DPP10: variants seen among roughly 807,000 people sequenced by gnomAD.
DPP10 encodes the protein dipeptidyl peptidase like 10.
Under a neutral mutation model 120.9 loss-of-function variants are expected in DPP10, and 33 were observed. The observed-to-expected ratio is 0.27, with a 90% CI of 0.21 to 0.37. The LOEUF (loss-of-function observed/expected upper bound fraction) is 0.37. Ranked by LOEUF, DPP10 falls within the 10% of genes least tolerant of loss-of-function variation. The probability of loss-of-function intolerance (pLI) is 1.00; values close to 1 mark genes in which losing one functional copy is unlikely to be tolerated. For synonymous variants in DPP10, 337 were observed against 326.1 expected, an observed-to-expected ratio of 1.03 and a Z score of -0.36; for missense variants, 816 against 942.8, an observed-to-expected ratio of 0.87 and a Z score of 1.76.
intron 9 of DPP10, among the ~76,000 whole-genome samples, chr2:115,740,391 A>C (rs1677106508): frequency 6.6e-6 from 1 of 152,160 alleles, no homozygotes; most frequent in Non-Finnish European, 1.5e-5. Context: ...ATGCATAAAG[A>C]ATCTCCAGTC....
At chr2:115,187,822 G>A (rs999854664) in intron 1 of DPP10, among the ~76,000 whole-genome samples, 3 of 152,002 alleles carry the variant, frequency 2.0e-5, no homozygotes, top group African/African-American at 4.8e-5. Context: ...GCAACATGGT[G>A]AAACCCCATC....
chr2:115,380,963 T>A (rs1317885184), intron 3 of DPP10, among the ~76,000 whole-genome samples: 1 of 152,210 alleles, frequency 6.6e-6, no homozygotes. Context: ...TAACCTGACC[T>A]TTCTCTCTGG....
At chr2:115,422,025 A>C (rs1179887058) in intron 3 of DPP10, among the ~76,000 whole-genome samples, 1 of 152,132 alleles carries the variant, frequency 6.6e-6, no homozygotes, top group Non-Finnish European at 1.5e-5. Flanking sequence ...TAGGTACTAC[A>C]ACTCACTAGG....
intron 3 of DPP10, among the ~76,000 whole-genome samples, chr2:115,403,152 T>C (rs975801534): frequency 4.1e-4 from 62 of 151,028 alleles, no homozygotes; most frequent in African/African-American, 1.4e-3. Context: ...TTTAACAAAA[T>C]GAAAAAAAAT....
At chr2:115,803,961 A>T (rs1427526355) in intron 19 of DPP10, among the ~76,000 whole-genome samples, 1 of 152,036 alleles carries the variant, frequency 6.6e-6, no homozygotes, top group Non-Finnish European at 1.5e-5. Context: ...GTATTTCCTG[A>T]ATCTGAATAT....
intron 1 of DPP10, among the ~76,000 whole-genome samples, chr2:114,849,940 C>CTCCTT (rs536762210): frequency 3.6e-4 from 54 of 151,656 alleles, no homozygotes; most frequent in Admixed American, 5.9e-4. Flanking sequence ...TTTCTGTTCT[C>CTCCTT]TCCTTTCCTT....
chr2:114,662,293 A>G (rs764028423), intron 1 of DPP10, among the ~76,000 whole-genome samples: 7 of 152,208 alleles, frequency 4.6e-5, no homozygotes, highest in Non-Finnish European at 8.8e-5. Context: ...ACTCAGAGCG[A>G]AAGTCCAAAA....
At chr2:114,713,666 CA>C (rs1189536871) in intron 1 of DPP10, among the ~76,000 whole-genome samples, 1 of 151,988 alleles carries the variant, frequency 6.6e-6, no homozygotes, top group Admixed American at 6.6e-5. Context: ...CCATCATTTT[CA>C]AAAAGAAAAA....
intron 1 of DPP10, among the ~76,000 whole-genome samples, chr2:114,621,016 C>T (rs190871712): frequency 6.6e-6 from 1 of 151,800 alleles, no homozygotes; most frequent in Non-Finnish European, 1.5e-5. Context: ...TAAGAAAAGC[C>T]CAGCCAAAAT....
intron 1 of DPP10, among the ~76,000 whole-genome samples, chr2:114,840,592 C>T (rs1264651519): frequency 2.0e-5 from 3 of 152,070 alleles, no homozygotes; most frequent in Non-Finnish European, 4.4e-5. Flanking sequence ...AGAAAGCCTC[C>T]CTTAAAATCT....
At chr2:114,580,139 G>A (rs537015710) in intron 1 of DPP10, among the ~76,000 whole-genome samples, 4 of 152,274 alleles carry the variant, frequency 2.6e-5, no homozygotes, top group African/African-American at 9.6e-5. Flanking sequence ...GCAGTGCTAC[G>A]GGTAAGGCCT....
At chr2:115,077,010 T>G (rs189773088) in intron 1 of DPP10, among the ~76,000 whole-genome samples, 102 of 152,336 alleles carry the variant, frequency 6.7e-4, no homozygotes, top group African/African-American at 2.4e-3. Flanking sequence ...TATCTAGTTT[T>G]TCCTTTTTTG....
At chr2:115,185,404 C>T (rs977782226) in intron 1 of DPP10, among the ~76,000 whole-genome samples, 1 of 152,024 alleles carries the variant, frequency 6.6e-6, no homozygotes, top group Admixed American at 6.6e-5. Context: ...GTATTTAGAG[C>T]ATTTCAACAA....
chr2:114,727,276 A>G (rs1676426527), intron 1 of DPP10, among the ~76,000 whole-genome samples: 1 of 152,194 alleles, frequency 6.6e-6, no homozygotes, highest in African/African-American at 2.4e-5. Flanking sequence ...ACAGAAGCTC[A>G]GTGTGCTTCT....
chr2:114,901,811 T>C (rs1252829696), intron 1 of DPP10, among the ~76,000 whole-genome samples: 1 of 152,142 alleles, frequency 6.6e-6, no homozygotes, highest in Non-Finnish European at 1.5e-5. Flanking sequence ...TTTCTTCAAA[T>C]AATAATAATG....
intron 1 of DPP10, among the ~76,000 whole-genome samples, chr2:114,889,599 G>C (rs1395652537): frequency 6.6e-6 from 1 of 151,718 alleles, no homozygotes; most frequent in Non-Finnish European, 1.5e-5. Flanking sequence ...AATTTTGTTG[G>C]GTAGTTTCAT....
At chr2:114,961,033 C>CTTTTTTTTTTTTTTTTT (rs772146022) in intron 1 of DPP10, among the ~76,000 whole-genome samples, 5 of 52,028 alleles carry the variant, frequency 9.6e-5, no homozygotes, top group African/African-American at 3.7e-4. Context: ...CTCTATACGC[C>CTTTTTTTTTTTTTTTTT]TTTTTTTTTT....
At chr2:115,494,301 A>AGCGCAT (rs1402757286) in intron 3 of DPP10, among the ~76,000 whole-genome samples, 3 of 152,106 alleles carry the variant, frequency 2.0e-5, no homozygotes, top group African/African-American at 7.2e-5. Context: ...AAGAGCTTAG[A>AGCGCAT]GCGCATTGAC....
chr2:114,500,272 G>C (rs1683041002), intron 1 of DPP10, among the ~76,000 whole-genome samples: 1 of 152,284 alleles, frequency 6.6e-6, no homozygotes, highest in African/African-American at 2.4e-5. Context: ...ATGGCCTGAG[G>C]TTTGCAGTTA....
Sources: gnomAD v4.1 joint callset for allele counts (sites outside exome capture counted in the v4.1 genomes callset) on GRCh38, gnomAD v4.1.1 for gene constraint, MANE v1.5 for transcripts, NCBI Gene and HGNC (gene_info 2026-07-23, HGNC 2026-07-21) for gene names.